LRRC49: variants seen among roughly 807,000 people sequenced by gnomAD.
LRRC49 encodes leucine rich repeat containing 49.
LRRC49 carries 50 observed loss-of-function variants against 83.3 expected under a neutral mutation model. That is an observed-to-expected ratio of 0.60 (90% CI 0.48 to 0.76). The LOEUF is 0.76. Among genes scored for constraint, LRRC49 ranks in the 30% least tolerant of loss-of-function variants. The probability of loss-of-function intolerance (pLI) is 0.00; values close to 1 mark genes in which losing one functional copy is unlikely to be tolerated. For missense variants in LRRC49, 704 were observed against 809.1 expected (o/e 0.87, Z 1.58); for synonymous variants, 286 against 283.3 (o/e 1.01, Z -0.10).
intron 8 of LRRC49, among the ~76,000 whole-genome samples, chr15:70,959,439 C>T (rs1319450256): frequency 1.4e-5 from 2 of 147,862 alleles, no homozygotes; most frequent in African/African-American, 2.5e-5. Context: ...TGCAGTGAGC[C>T]GAGATTGTGC....
At chr15:70,885,307 A>G (rs2033377323) in intron 2 of LRRC49, among the ~76,000 whole-genome samples, 1 of 152,236 alleles carries the variant, frequency 6.6e-6, no homozygotes, top group South Asian at 2.1e-4. Context: ...GGGCAGACGC[A>G]ATATTTGAAC....
At chr15:70,905,205 A>G (rs536519457) in intron 5 of LRRC49, among the ~76,000 whole-genome samples, 1 of 152,332 alleles carries the variant, frequency 6.6e-6, no homozygotes, top group African/African-American at 2.4e-5. Flanking sequence ...ATTACATCCT[A>G]TATGAACTTT....
chr15:70,986,038 C>G (rs968702044), intron 11 of LRRC49, among the ~76,000 whole-genome samples: 1 of 151,732 alleles, frequency 6.6e-6, no homozygotes, highest in Non-Finnish European at 1.5e-5. Context: ...TGTAGCCTTC[C>G]TTGTAGTATA....
chr15:70,986,592 T>C (rs1040180277), intron 11 of LRRC49, among the ~76,000 whole-genome samples: 1 of 152,076 alleles, frequency 6.6e-6, no homozygotes, highest in African/African-American at 2.4e-5. Flanking sequence ...AGGGACAATT[T>C]GACTTCCTCT....
At chr15:70,952,340 T>C (rs1022920949) in intron 8 of LRRC49, among the ~76,000 whole-genome samples, 1 of 152,048 alleles carries the variant, frequency 6.6e-6, no homozygotes, top group Admixed American at 6.6e-5. Context: ...GGATTGGCAC[T>C]AGCTCTTCTT....
chr15:70,871,949 C>G (rs1428811037), intron 1 of LRRC49, among the ~76,000 whole-genome samples: 1 of 146,380 alleles, frequency 6.8e-6, no homozygotes, highest in African/African-American at 2.6e-5. Context: ...ACATCCCAGA[C>G]GATGGGCGGC....
At chr15:71,021,140 C>G (rs2038982847) in intron 14 of LRRC49, among the ~76,000 whole-genome samples, 1 of 152,174 alleles carries the variant, frequency 6.6e-6, no homozygotes, top group Non-Finnish European at 1.5e-5. Context: ...CATGTAGTGG[C>G]CCGTCAGCCA....
rs1567118867 is a variant in LRRC49 at position 71,051,436 on chromosome 15, T to C, written c.*1824T>C. ...TGAAACATATGGACCATTTCTCATC[T>C]GGCTAGTAAACACTTATCTCTCCTG... On this transcript the variant is annotated 3_prime_UTR_variant, in exon 16 of 16. Transcript: ENST00000260382. 6.6e-6 allele frequency: 1 copy of C among 152,262 alleles called. No homozygotes were observed. The highest frequency in any genetic ancestry group is 1.5e-5 in the Non-Finnish European group (1 of 68,076). The allele number at this position is 152,262 out of a possible 1,614,324, so 9.4% of individuals were successfully genotyped here. A position where few individuals can be genotyped will look rare whatever the true frequency, so the allele number is the denominator to read the frequency against.
At chr15:71,033,667 A>C (rs186262722) in intron 14 of LRRC49, among the ~76,000 whole-genome samples, 6 of 152,236 alleles carry the variant, frequency 3.9e-5, no homozygotes, top group Non-Finnish European at 7.3e-5. Flanking sequence ...CCAAAACAGC[A>C]TGGTACTGGT....
intron 6 of LRRC49, among the ~76,000 whole-genome samples, chr15:70,912,248 T>G (rs1020105628): frequency 6.6e-6 from 1 of 152,160 alleles, no homozygotes; most frequent in Non-Finnish European, 1.5e-5. Flanking sequence ...TTTCCTGTTT[T>G]TATTGTTGTT....
chr15:70,996,243 T>C (rs1234136876), intron 11 of LRRC49, among the ~76,000 whole-genome samples: 1 of 152,182 alleles, frequency 6.6e-6, no homozygotes, highest in African/African-American at 2.4e-5. Context: ...TTATAACTTC[T>C]ACTGGTTGTA....
At chr15:70,961,717 A>G (rs533993423) in intron 8 of LRRC49, among the ~76,000 whole-genome samples, 1 of 152,306 alleles carries the variant, frequency 6.6e-6, no homozygotes, top group East Asian at 1.9e-4. Flanking sequence ...TGACAGTAGA[A>G]AGATTTGTGG....
At chr15:70,982,351 G>A (rs1004665556) in intron 10 of LRRC49, among the ~76,000 whole-genome samples, 11 of 152,054 alleles carry the variant, frequency 7.2e-5, no homozygotes, top group Admixed American at 1.3e-4. Context: ...AAAAAAAACA[G>A]AGTTGCTTAG....
At chr15:70,907,759 G>A in intron 5 of LRRC49, 1 of 350,294 alleles carries the variant, frequency 2.9e-6, no homozygotes, top group South Asian at 2.2e-5. Context: ...TATCCCTAGA[G>A]GCCTCAGGTG....
chr15:70,980,339 TATTACCTATAA>T (rs1210459489), intron 10 of LRRC49, among the ~76,000 whole-genome samples, 155 bp downstream of exon 10: 1 of 152,184 alleles, frequency 6.6e-6, no homozygotes, highest in Admixed American at 6.6e-5. Context: ...TTTTACAAGT[TATTACCTATAA>T]ATAAACCTGT....
chr15:70,867,576 G>T (rs1183696522), intron 1 of LRRC49, among the ~76,000 whole-genome samples: 1 of 152,140 alleles, frequency 6.6e-6, no homozygotes, highest in African/African-American at 2.4e-5. Context: ...AGGTTATACG[G>T]CTGGGATATG....
chr15:70,916,842 G>A (rs964580822), intron 6 of LRRC49, among the ~76,000 whole-genome samples: 32 of 152,086 alleles, frequency 2.1e-4, no homozygotes, highest in African/African-American at 6.3e-4. Flanking sequence ...CAGGAGCCCC[G>A]CCCTCCTGGG....
At chr15:71,049,251 C>G (rs905507475) in intron 15 of LRRC49, among the ~76,000 whole-genome samples, 158 bp from the exon 16 acceptor site, 1 of 152,094 alleles carries the variant, frequency 6.6e-6, no homozygotes, top group African/African-American at 2.4e-5. Context: ...AGAACTCTGT[C>G]AGCAGTGACT....
intron 7 of LRRC49, among the ~76,000 whole-genome samples, chr15:70,926,617 A>G (rs1330556789): frequency 6.6e-6 from 1 of 152,146 alleles, no homozygotes; most frequent in Non-Finnish European, 1.5e-5. Flanking sequence ...TGCTGCACCC[A>G]TTAACTTGTC....
Sources: allele counts gnomAD v4.1 joint callset (sites outside exome capture counted in the v4.1 genomes callset), GRCh38; gene constraint gnomAD v4.1.1; transcripts MANE v1.5; gene names NCBI Gene and HGNC (gene_info 2026-07-23, HGNC 2026-07-21).